Variants in PTPRQ observed in about 807,000 individuals in gnomAD.
PTPRQ encodes the protein phosphatidylinositol phosphatase PTPRQ.
PTPRQ carries 199 observed loss-of-function variants against 246.0 expected under a neutral mutation model. The observed-to-expected ratio is 0.81, with a 90% CI of 0.72 to 0.91. PTPRQ has a LOEUF of 0.91. Among genes scored for constraint, PTPRQ ranks in the 40% least tolerant of loss-of-function variants. PTPRQ has a pLI of 0.00. For synonymous variants in PTPRQ, 869 were observed against 853.2 expected, an observed-to-expected ratio of 1.02 and a Z score of -0.32; for missense variants, 2,624 against 2,528.4, an observed-to-expected ratio of 1.04 and a Z score of -0.81.
chr12:80,511,215 CTCT>C (rs1895117921), intron 17 of PTPRQ, among the ~76,000 whole-genome samples: 1 of 150,378 alleles, frequency 6.6e-6, no homozygotes, highest in Non-Finnish European at 1.5e-5. Context: ...AAGAAGTCTC[CTCT>C]TCTTCTCTTT....
At chr12:80,472,058 G>T (rs1322510857) in intron 7 of PTPRQ, 47 bp from the exon 8 acceptor site, 1 of 1,548,450 alleles carries the variant, frequency 6.5e-7, no homozygotes, top group Non-Finnish European at 8.7e-7. Flanking sequence ...GAACATGATT[G>T]CACGCTTGAT....
At chr12:80,514,756 AT>A in intron 17 of PTPRQ, among the ~76,000 whole-genome samples, 1 of 146,130 alleles carries the variant, frequency 6.8e-6, no homozygotes. Flanking sequence ...GTATTATATA[AT>A]TATTACATAT....
At position 80,657,241 on chromosome 12, in the gene PTPRQ, G is replaced by A. The variant is rs975972395; in HGVS notation, c.6116-744G>A. ...GCATTAAAATGGTCAGTAAACATAA[G>A]GAAAGAAGCTCAGTTTCACTTGTAT... On this transcript the variant is annotated intron_variant, in intron 38 of 44. Coordinates refer to ENST00000644991, the MANE Select transcript of PTPRQ (RefSeq NM_001145026.2). 2.0e-5 allele frequency among the ~76,000 whole-genome samples: 3 copies of A among 151,752 alleles called. No individual in the cohort carries two copies. In the East Asian group the frequency reaches 5.8e-4, roughly 29 times the overall value.
In PTPRQ at chr12:80,495,091, C is replaced by T. The variant is rs1318493406; in HGVS notation, c.1699C>T (p.Gln567Ter). The T allele has an allele frequency of 1.3e-6, 2 of 1,550,370 alleles. No individual in the cohort carries two copies. Among genetic ancestry groups the T allele is most frequent in the Non-Finnish European group, 1.7e-6 (2 of 1,146,160 alleles). ...PTVLSVRTRQ[Q>*]VPSSIKIINY... ...AGTTCTCAGTGTTAGGACACGTCAG[C>T]AAGGTAAGGATGTATTTCCTTTGAA... Residue 567 changes from glutamine to a stop codon, truncating the protein, a stop_gained, in exon 11 of 45, where the codon CAA becomes TAA. Coordinates refer to ENST00000644991, the MANE Select transcript of PTPRQ (RefSeq NM_001145026.2). LOFTEE classifies it high-confidence loss of function.
At chr12:80,612,210 A>G (rs1007541937) in intron 28 of PTPRQ, among the ~76,000 whole-genome samples, 1 of 150,346 alleles carries the variant, frequency 6.7e-6, no homozygotes, top group African/African-American at 2.4e-5. Flanking sequence ...CCTCATACAT[A>G]TTTTAATAAT....
chr12:80,632,143 A>C, intron 33 of PTPRQ, 49 bp from the exon 34 acceptor site: 2 of 1,515,380 alleles, frequency 1.3e-6, no homozygotes, highest in Non-Finnish European at 1.8e-6. Flanking sequence ...GGGATTCAAA[A>C]TAAGATTCCA....
chr12:80,500,320 T>C (rs1393194592), intron 14 of PTPRQ, among the ~76,000 whole-genome samples: 1 of 152,026 alleles, frequency 6.6e-6, no homozygotes, highest in African/African-American at 2.4e-5. Context: ...CTCTGCTATT[T>C]CAGAAAATTC....
chr12:80,505,884 C>T, intron 14 of PTPRQ, 140 bp from the exon 15 acceptor site: 3 of 1,009,608 alleles, frequency 3.0e-6, no homozygotes, highest in Non-Finnish European at 4.1e-6. Context: ...TTATACTTTA[C>T]TTCATTCAGG....
chr12:80,485,822 A>G (rs1272205344), intron 9 of PTPRQ, among the ~76,000 whole-genome samples: 3 of 152,054 alleles, frequency 2.0e-5, no homozygotes, highest in East Asian at 1.9e-4. Context: ...TGCTAATGAC[A>G]TCTGTTGAAT....
chr12:80,478,545 G>A (rs541555156), intron 8 of PTPRQ, among the ~76,000 whole-genome samples: 13 of 152,324 alleles, frequency 8.5e-5, no homozygotes, highest in East Asian at 7.7e-4. Context: ...ACTTTGACGA[G>A]CTGAGAGAAG....
intron 35 of PTPRQ, among the ~76,000 whole-genome samples, chr12:80,639,625 G>A (rs1820065475): frequency 6.6e-6 from 1 of 152,098 alleles, no homozygotes; most frequent in African/African-American, 2.4e-5. Flanking sequence ...AAGTGTACAT[G>A]TTGAATTTTT....
At chr12:80,538,297 A>G (rs1896049509) in intron 19 of PTPRQ, among the ~76,000 whole-genome samples, 1 of 152,216 alleles carries the variant, frequency 6.6e-6, no homozygotes, top group South Asian at 2.1e-4. Flanking sequence ...AATTGATTTA[A>G]TGTTACAAAT....
intron 16 of PTPRQ, 142 bp downstream of exon 16, chr12:80,506,812 T>G: frequency 1.7e-6 from 1 of 583,636 alleles, no homozygotes; most frequent in Non-Finnish European, 2.7e-6. Flanking sequence ...GATTTCATTG[T>G]CATGGTATAA....
intron 25 of PTPRQ, among the ~76,000 whole-genome samples, chr12:80,579,061 T>A (rs921138622): frequency 6.6e-6 from 1 of 152,158 alleles, no homozygotes; most frequent in South Asian, 2.1e-4. Flanking sequence ...TTTCTTTACA[T>A]TTTTCTTTAG....
Position 80,622,223 on chromosome 12 carries a change from T to C in PTPRQ, c.5686+89T>C, listed in dbSNP as rs535421539. On this transcript the variant is annotated intron_variant, in intron 33 of 44. Coordinates refer to ENST00000644991, the MANE Select transcript of PTPRQ (RefSeq NM_001145026.2). ...GTAAATGTATTAATCCATGTCTAGA[T>C]GTTTTAAAATATAAACTCATTTAAA... The C allele has an allele frequency of 9.4e-4, 962 of 1,028,630 alleles. 1 individual carries two copies. The highest frequency in any genetic ancestry group is 1.2e-3 in the Non-Finnish European group (890 of 770,262). The allele number at this position is 1,028,630 out of a possible 1,614,324, so 63.7% of individuals were successfully genotyped here.
At chr12:80,650,663 G>GGT (rs150761397) in intron 37 of PTPRQ, among the ~76,000 whole-genome samples, 13,015 of 151,880 alleles carry the variant, frequency 0.086, 734 homozygotes, top group South Asian at 0.18. Context: ...AAGAAATATT[G>GGT]GTCTGGACTT....
chr12:80,592,937 G>A, intron 26 of PTPRQ, among the ~76,000 whole-genome samples: 1 of 152,104 alleles, frequency 6.6e-6, no homozygotes, highest in East Asian at 1.9e-4. Context: ...CTTGGACCCG[G>A]GAGGTGGAGC....
chr12:80,575,168 T>C (rs1421002537), intron 25 of PTPRQ, among the ~76,000 whole-genome samples: 1 of 152,260 alleles, frequency 6.6e-6, no homozygotes. Context: ...TTAAAATATC[T>C]AGTCACACTG....
intron 26 of PTPRQ, among the ~76,000 whole-genome samples, chr12:80,592,762 C>G (rs1305478572): frequency 6.6e-6 from 1 of 152,108 alleles, no homozygotes; most frequent in Non-Finnish European, 1.5e-5. Flanking sequence ...GTAATCCCAG[C>G]ACTTTGGGAG....
Sources: gnomAD v4.1 joint callset for allele counts (sites outside exome capture counted in the v4.1 genomes callset) on GRCh38, gnomAD v4.1.1 for gene constraint, MANE v1.5 for transcripts, NCBI Gene and HGNC (gene_info 2026-07-23, HGNC 2026-07-21) for gene names.